The following PRKDC variants were observed in gnomAD, a reference collection of about 807,000 sequenced individuals.
PRKDC encodes the protein DNA-dependent protein kinase catalytic subunit.
A neutral mutation model predicts 486.9 loss-of-function variants in PRKDC; 82 were observed. The observed-to-expected ratio is 0.17, with a 90% confidence interval of 0.14 to 0.20. The LOEUF is 0.20. Ranked by LOEUF, PRKDC falls within the 10% of genes least tolerant of loss-of-function variation. The probability of loss-of-function intolerance (pLI) is 1.00; values close to 1 mark genes in which losing one functional copy is unlikely to be tolerated. For missense variants in PRKDC, 4,504 were observed against 5,038.2 expected (o/e 0.89, Z 3.21); for synonymous variants, 1,895 against 1,837.0 (o/e 1.03, Z -0.81).
intron 56 of PRKDC, among the ~76,000 whole-genome samples, chr8:47,838,848 G>C (rs551923872): frequency 1.3e-5 from 2 of 152,188 alleles, no homozygotes; most frequent in Admixed American, 1.3e-4. Flanking sequence ...ATGGGAAACA[G>C]AAGAATTGTC....
chr8:47,794,213 G>T (rs753936176), intron 74 of PRKDC, 77 bp downstream of exon 74: 2 of 1,147,150 alleles, frequency 1.7e-6, no homozygotes, highest in Non-Finnish European at 2.5e-6. Flanking sequence ...CAAATGTAGT[G>T]TCCACGTGTG....
At chr8:47,873,658 G>A (rs1316736484) in intron 40 of PRKDC, among the ~76,000 whole-genome samples, 1 of 152,164 alleles carries the variant, frequency 6.6e-6, no homozygotes, top group Non-Finnish European at 1.5e-5. Context: ...ATACACAGTG[G>A]AGTACTATCC....
intron 70 of PRKDC, among the ~76,000 whole-genome samples, chr8:47,802,479 C>CTT (rs547957995): frequency 1.3e-4 from 17 of 130,294 alleles, no homozygotes; most frequent in East Asian, 2.2e-4. Flanking sequence ...GAGGAAATGG[C>CTT]TTTTTTTTTT....
intron 66 of PRKDC, 142 bp downstream of exon 66, chr8:47,820,577 T>C: frequency 2.3e-6 from 1 of 441,174 alleles, no homozygotes; most frequent in Non-Finnish European, 3.6e-6. Flanking sequence ...AAAATAGTAC[T>C]TGAAAATTTT....
chr8:47,810,256 T>G (rs1289173888), intron 68 of PRKDC, among the ~76,000 whole-genome samples: 2 of 152,338 alleles, frequency 1.3e-5, no homozygotes, highest in East Asian at 3.9e-4. Context: ...CTTCAGTTAC[T>G]GGAGATATAG....
At chr8:47,816,729 T>TA (rs1336352761) in intron 68 of PRKDC, among the ~76,000 whole-genome samples, 11 of 152,106 alleles carry the variant, frequency 7.2e-5, no homozygotes, top group Non-Finnish European at 1.5e-4. Flanking sequence ...AAATGTTATT[T>TA]AAAAAATCAG....
intron 27 of PRKDC, among the ~76,000 whole-genome samples, chr8:47,900,976 T>C (rs896276162): frequency 8.6e-5 from 13 of 151,204 alleles, no homozygotes; most frequent in Non-Finnish European, 1.5e-5. Context: ...AGTGACACCC[T>C]GTCTCTACAA....
chr8:47,790,465 T>C (rs1170748528), intron 74 of PRKDC, among the ~76,000 whole-genome samples: 1 of 152,186 alleles, frequency 6.6e-6, no homozygotes, highest in Non-Finnish European at 1.5e-5. Context: ...TCAATACTGT[T>C]AAATCTGTCC....
chr8:47,942,323 T>C (rs1400835086), intron 10 of PRKDC, among the ~76,000 whole-genome samples: 2 of 152,034 alleles, frequency 1.3e-5, no homozygotes, highest in African/African-American at 2.4e-5. Flanking sequence ...GGAACACAAG[T>C]CTGACGGGAA....
intron 67 of PRKDC, among the ~76,000 whole-genome samples, chr8:47,818,336 T>C (rs1372528271): frequency 1.3e-5 from 2 of 151,874 alleles, no homozygotes; most frequent in African/African-American, 4.8e-5. Context: ...CCCCAGCACT[T>C]TGGGAGGCCG....
intron 24 of PRKDC, among the ~76,000 whole-genome samples, chr8:47,912,844 T>C (rs2089927485): frequency 6.6e-6 from 1 of 152,264 alleles, no homozygotes; most frequent in Non-Finnish European, 1.5e-5. Context: ...TATATAACTT[T>C]GCTTCATCTG....
At chr8:47,840,805 A>T (rs2154499894) in intron 54 of PRKDC, among the ~76,000 whole-genome samples, 1 of 152,364 alleles carries the variant, frequency 6.6e-6, no homozygotes, top group East Asian at 1.9e-4. Context: ...TAGGACAGTG[A>T]CATACATTTT....
rs1031990024 is a variant in PRKDC at position 47,836,319 on chromosome 8, C to T, written c.7951+19G>A. Reference sequence around the variant, plus strand: ...GTCAGGGTGCTGTATACATGGCCAGCGGGCAGGGTCACTGTTACCTGCAGT... The same window carrying T: ...GTCAGGGTGCTGTATACATGGCCAGTGGGCAGGGTCACTGTTACCTGCAGT... On this transcript the variant is annotated intron_variant, in intron 58 of 85. Coordinates refer to ENST00000314191, the MANE Select transcript of PRKDC (RefSeq NM_006904.7). 40 of 1,531,446 alleles carry T rather than the reference C, an allele frequency of 2.6e-5. No homozygotes were observed. The highest frequency in any genetic ancestry group is 5.2e-5 in the South Asian group (4 of 76,524). The allele number at this position is 1,531,446 out of a possible 1,614,324, so 94.9% of individuals were successfully genotyped here. A position where few individuals can be genotyped will look rare whatever the true frequency, so the allele number is the denominator to read the frequency against.
intron 46 of PRKDC, among the ~76,000 whole-genome samples, chr8:47,859,292 T>C (rs1202725047): frequency 6.6e-6 from 1 of 152,042 alleles, no homozygotes; most frequent in East Asian, 1.9e-4. Context: ...CTCCTCAGGG[T>C]GGCTCCTCAG....
intron 27 of PRKDC, among the ~76,000 whole-genome samples, chr8:47,900,798 G>A (rs1213597134): frequency 5.3e-5 from 8 of 151,396 alleles, no homozygotes; most frequent in Non-Finnish European, 8.8e-5. Flanking sequence ...GCAGTGAGCC[G>A]AGATCCTGCC....
chr8:47,886,208 C>A, intron 35 of PRKDC, 61 bp from the exon 36 acceptor site: 1 of 1,356,284 alleles, frequency 7.4e-7, no homozygotes, highest in Non-Finnish European at 9.8e-7. Flanking sequence ...CACAGAAAGA[C>A]CCTTGGGCAA....
intron 22 of PRKDC, 110 bp from the exon 23 acceptor site, chr8:47,915,528 C>A (rs1030902832): frequency 1.3e-5 from 8 of 636,582 alleles, no homozygotes; most frequent in Non-Finnish European, 2.1e-5. Flanking sequence ...TTCCTAGAAC[C>A]GCAGTTCCAA....
chr8:47,888,357 A>G (rs1199940413), intron 34 of PRKDC, among the ~76,000 whole-genome samples, 161 bp downstream of exon 34: 1 of 152,234 alleles, frequency 6.6e-6, no homozygotes, highest in East Asian at 1.9e-4. Context: ...TATATCATAG[A>G]TATACAGATA....
intron 29 of PRKDC, among the ~76,000 whole-genome samples, 154 bp downstream of exon 29, chr8:47,898,316 G>C (rs1468976280): frequency 2.0e-5 from 3 of 152,008 alleles, no homozygotes; most frequent in African/African-American, 7.3e-5. Flanking sequence ...GCTTTTTAAC[G>C]TTTTTGGAAA....
Sources: allele counts gnomAD v4.1 joint callset (sites outside exome capture counted in the v4.1 genomes callset), GRCh38; gene constraint gnomAD v4.1.1; transcripts MANE v1.5; gene names NCBI Gene and HGNC (gene_info 2026-07-23, HGNC 2026-07-21).